Variants in BCOR observed in about 807,000 individuals in gnomAD.
BCOR encodes the protein BCL6 corepressor, also known as BCL-6 corepressor.
A neutral mutation model predicts 86.7 loss-of-function variants in BCOR; 10 were observed. That is an observed-to-expected ratio of 0.12 (90% CI 0.07 to 0.20). The LOEUF is 0.20. Among genes scored for constraint, BCOR ranks in the 10% least tolerant of loss-of-function variants. The pLI, the probability that BCOR is intolerant of heterozygous loss-of-function variation, is 1.00. For missense variants in BCOR, 1,259 were observed against 1,452.1 expected, an observed-to-expected ratio of 0.87 and a Z score of 2.16; for synonymous variants, 611 against 609.0, an observed-to-expected ratio of 1.00 and a Z score of -0.05.
chrX:40,173,714 T>TGCA (rs1291277152), intron 1 of BCOR, among the ~76,000 whole-genome samples: 2 of 112,535 alleles, frequency 1.8e-5, no homozygotes, highest in Non-Finnish European at 3.8e-5. Flanking sequence ...ACTCTCTCCC[T>TGCA]GCAGCCCTGG....
chrX:40,067,450 T>C (rs962771899), intron 6 of BCOR, among the ~76,000 whole-genome samples: 6 of 111,373 alleles, frequency 5.4e-5, no homozygotes, highest in South Asian at 3.8e-4. Flanking sequence ...CACACATGCC[T>C]CCTCCAAGTC....
chrX:40,054,441 G>A lies in BCOR; in HGVS notation c.4742-108C>T. 4 of 563,297 alleles carry A rather than the reference G, an allele frequency of 7.1e-6. No homozygotes were observed. In the South Asian group the frequency reaches 7.4e-5, roughly 10 times the overall value. The allele number at this position is 563,297 out of a possible 1,213,427, so 46.4% of individuals were successfully genotyped here. A position where few individuals can be genotyped will look rare whatever the true frequency, so the allele number is the denominator to read the frequency against. On this transcript the variant is annotated intron_variant, in intron 12 of 14. Coordinates refer to ENST00000378444, the MANE Select transcript of BCOR (RefSeq NM_001123385.2). The stretch of plus-strand genomic sequence containing the variant: ...CTATACATTCATGACAGGCTGGAAG[G>A]TCATTTCCTGTCTTCCTCTTTCTCA...
upstream of BCOR, among the ~76,000 whole-genome samples, chrX:40,098,623 T>C (rs1238120389): frequency 8.9e-6 from 1 of 111,850 alleles, no homozygotes; most frequent in Non-Finnish European, 1.9e-5. Flanking sequence ...CCGCCGCCTC[T>C]TGCCACCAGC....
At chrX:40,122,715 T>A (rs1331148829) in intron 1 of BCOR, among the ~76,000 whole-genome samples, 1 of 111,672 alleles carries the variant, frequency 9.0e-6, no homozygotes, top group Non-Finnish European at 1.9e-5. Flanking sequence ...GGCCTGTGAC[T>A]GGATATTCTT....
chrX:40,068,389 C>G (rs1935305300), intron 6 of BCOR, among the ~76,000 whole-genome samples: 1 of 112,133 alleles, frequency 8.9e-6, no homozygotes, highest in African/African-American at 3.2e-5. Context: ...ATCTGTCTGC[C>G]CAAACTCAAA....
intron 1 of BCOR, among the ~76,000 whole-genome samples, chrX:40,154,901 C>A (rs1453933898): frequency 7.1e-5 from 8 of 112,345 alleles, no homozygotes; most frequent in African/African-American, 2.6e-4. Flanking sequence ...CAGCACCCGG[C>A]CTCAAAGGGA....
chrX:40,089,478 C>T (rs1359996623), intron 1 of BCOR, among the ~76,000 whole-genome samples: 3 of 111,806 alleles, frequency 2.7e-5, no homozygotes, highest in African/African-American at 9.8e-5. Flanking sequence ...GTGTTTAACA[C>T]CTATGTTACT....
intron 1 of BCOR, among the ~76,000 whole-genome samples, chrX:40,092,972 T>G (rs1936687415): frequency 1.8e-5 from 2 of 112,547 alleles, no homozygotes; most frequent in African/African-American, 3.2e-5. Context: ...AGCCTGTGTA[T>G]CTAAGCATGG....
chrX:40,160,355 C>T (rs1412411854), intron 1 of BCOR, among the ~76,000 whole-genome samples: 1 of 110,762 alleles, frequency 9.0e-6, no homozygotes, highest in Non-Finnish European at 1.9e-5. Flanking sequence ...CTCCTGACCT[C>T]GTGATCCACC....
intron 1 of BCOR, among the ~76,000 whole-genome samples, chrX:40,083,173 G>A (rs747632959): frequency 7.7e-4 from 86 of 111,158 alleles, no homozygotes; most frequent in Non-Finnish European, 8.0e-4. Context: ...GATGTGCAGT[G>A]TGGGATGGGT....
rs1181550129 is a variant in BCOR at position 40,074,371 on chromosome X, C to A, written c.975G>T (p.Leu325=). 1 of 1,211,254 alleles carries A rather than the reference C, an allele frequency of 8.3e-7. No individual in the cohort carries two copies. Among genetic ancestry groups the A allele is most frequent in the Non-Finnish European group, 1.1e-6 (1 of 895,187 alleles). The stretch of plus-strand genomic sequence containing the variant: ...GCAACAGGAGAGCTGTGTCCCCCGG[C>A]AGGCCACTGGTGACCGCCTTGGCAG... ...VPSAKAVTSG[L]PGDTALLLPP... The change falls in exon 4 of 15, where the codon CTG becomes CTT. Residue 325 remains leucine, a synonymous_variant. Coordinates refer to ENST00000378444, the MANE Select transcript of BCOR (RefSeq NM_001123385.2).
chrX:40,176,759 CCGCCGCCCCG>C lies in BCOR; in HGVS notation c.-41+238_-41+247del, dbSNP rs1569205259. Among the ~76,000 whole-genome samples, 29 of 111,976 alleles carry C rather than the reference CCGCCGCCCCG, an allele frequency of 2.6e-4. 1 individual carries two copies. In the South Asian group the frequency reaches 0.01, roughly 40 times the overall value. On this transcript the variant is annotated intron_variant, in intron 1 of 14. Transcript: ENST00000342274. ...CCGGTTCCACCTTCGGCTGCGAGAG[CCGCCGCCCCG>C]CGCCACCCCCGCCCGGCCCGGCCCT...
chrX:40,152,284 C>T (rs926070828), intron 1 of BCOR, among the ~76,000 whole-genome samples: 2 of 111,688 alleles, frequency 1.8e-5, no homozygotes, highest in Non-Finnish European at 3.8e-5. Context: ...CGCTCTTCAC[C>T]CCTCCCCACC....
intron 1 of BCOR, among the ~76,000 whole-genome samples, chrX:40,160,995 AT>A (rs1356419276): frequency 1.0e-5 from 1 of 98,006 alleles, no homozygotes; most frequent in Non-Finnish European, 2.0e-5. Context: ...TTTTTTTTTA[AT>A]TTTTATTTAT....
At chrX:40,142,613 G>A (rs1310650351) in intron 1 of BCOR, among the ~76,000 whole-genome samples, 1 of 111,820 alleles carries the variant, frequency 8.9e-6, no homozygotes, top group African/African-American at 3.3e-5. Flanking sequence ...CGTGGCACAT[G>A]AGCAATAACT....
rs1391215094 is a variant in BCOR, at chrX:40,073,888, T to C, written c.1458A>G (p.Thr486=). 5 of 1,211,002 alleles carry C rather than the reference T, an allele frequency of 4.1e-6. No individual in the cohort carries two copies. The highest frequency in any genetic ancestry group is 5.6e-6 in the Non-Finnish European group (5 of 895,377). ...CACAACCATTTCCTGGAGGAGATAG[T>C]GTTTCTTTCGGAATCTCACTTCCGG... The part of the protein sequence containing the change: ...VLSGSEIPKE[T]LSPPGNGCAI... The change falls in exon 4 of 15, where the codon ACA becomes ACG. Residue 486 remains threonine, a synonymous_variant. Coordinates refer to ENST00000378444, the MANE Select transcript of BCOR (RefSeq NM_001123385.2).
intron 6 of BCOR, 68 bp downstream of exon 6, chrX:40,070,905 C>G: frequency 9.4e-7 from 1 of 1,063,924 alleles, no homozygotes; most frequent in Admixed American, 2.2e-5. Flanking sequence ...GCAAAAGCAG[C>G]CCATTTCTCC....
chrX:40,120,949 C>T (rs971709978), intron 1 of BCOR, among the ~76,000 whole-genome samples: 31 of 111,068 alleles, frequency 2.8e-4, no homozygotes, highest in African/African-American at 9.1e-4. Context: ...TCAACGGAGC[C>T]GGGGGAGCAA....
intron 1 of BCOR, among the ~76,000 whole-genome samples, chrX:40,109,202 G>C (rs1443910045): frequency 1.8e-5 from 2 of 112,257 alleles, no homozygotes; most frequent in African/African-American, 6.5e-5. Context: ...GGGTGCGCCC[G>C]GGAACCGGGA....
Sources: allele counts gnomAD v4.1 joint callset (sites outside exome capture counted in the v4.1 genomes callset), GRCh38; gene constraint gnomAD v4.1.1; transcripts MANE v1.5; gene names NCBI Gene and HGNC (gene_info 2026-07-23, HGNC 2026-07-21).